CD59: variants seen among roughly 807,000 people sequenced by gnomAD.
CD59 encodes the protein CD59 glycoprotein.
Under a neutral mutation model 7.0 loss-of-function variants are expected in CD59, and 3 were observed. That is an observed-to-expected ratio of 0.43 (90% CI 0.19 to 1.10). CD59 has a LOEUF of 1.10. Ranked by LOEUF, CD59 falls within the 50% of genes least tolerant of loss-of-function variation. The probability of loss-of-function intolerance (pLI) is 0.29; values close to 1 mark genes in which losing one functional copy is unlikely to be tolerated. For missense variants in CD59, 143 were observed against 151.0 expected (o/e 0.95, Z 0.28); for synonymous variants, 60 against 62.0 (o/e 0.97, Z 0.15).
In CD59 at chr11:33,705,785, G is replaced by A. The variant is rs1320693465; in HGVS notation, c.*4341C>T. On this transcript the variant is annotated 3_prime_UTR_variant, in exon 4 of 4. Coordinates refer to ENST00000642928, the MANE Select transcript of CD59 (RefSeq NM_000611.6). ...ATCCTACTAATTCTGTCCCTCTGGA[G>A]AACCCTAATACATGAATTATAACTC... 6.6e-6 allele frequency: 1 copy of A among 152,108 alleles called. No homozygotes were observed. Among genetic ancestry groups the A allele is most frequent in the African/African-American group, 2.4e-5 (1 of 41,368 alleles). 9.4% of individuals were successfully genotyped at this position (152,108 alleles called of 1,614,324 possible).
chr11:33,730,231 G>A (rs544556285), intron 1 of CD59, among the ~76,000 whole-genome samples: 3 of 151,570 alleles, frequency 2.0e-5, no homozygotes, highest in South Asian at 2.1e-4. Flanking sequence ...AGTTTGAGAC[G>A]AGACTGGCAA....
intron 2 of CD59, chr11:33,718,969 C>G (rs756732436): frequency 2.6e-5 from 4 of 152,166 alleles, no homozygotes; most frequent in Admixed American, 1.3e-4. Context: ...TGACTTCTAC[C>G]ATGTAATCAG....
intron 2 of CD59, among the ~76,000 whole-genome samples, chr11:33,720,913 G>A (rs986689079): frequency 2.0e-5 from 3 of 152,190 alleles, no homozygotes; most frequent in Non-Finnish European, 4.4e-5. Flanking sequence ...TCATCTGTGG[G>A]CATGTGAGCT....
At chr11:33,717,086 G>A (rs1853828963) in intron 3 of CD59, among the ~76,000 whole-genome samples, 1 of 152,220 alleles carries the variant, frequency 6.6e-6, no homozygotes, top group South Asian at 2.1e-4. Context: ...GAATCAGATG[G>A]ACTTCCATGT....
At chr11:33,728,257 C>T (rs917346247) in intron 1 of CD59, among the ~76,000 whole-genome samples, 3 of 152,192 alleles carry the variant, frequency 2.0e-5, no homozygotes, top group Admixed American at 2.0e-4. Flanking sequence ...ATCACGCTAC[C>T]TGACTTCAAA....
chr11:33,733,304 T>C (rs1233776428), intron 1 of CD59, among the ~76,000 whole-genome samples: 1 of 152,192 alleles, frequency 6.6e-6, no homozygotes, highest in Non-Finnish European at 1.5e-5. Flanking sequence ...AAATTTGTGG[T>C]GGTTTCAGCA....
intron 3 of CD59, 90 bp downstream of exon 3, chr11:33,717,280 C>T: frequency 2.6e-6 from 2 of 760,908 alleles, no homozygotes; most frequent in Non-Finnish European, 4.7e-6. Context: ...TTACTTGATG[C>T]AAGCCTAATG....
At chr11:33,726,914 G>A (rs541245661) in intron 1 of CD59, among the ~76,000 whole-genome samples, 2 of 152,274 alleles carry the variant, frequency 1.3e-5, no homozygotes, top group South Asian at 4.1e-4. Context: ...AAATAAACTA[G>A]AAAATCTAGA....
Position 33,717,648 on chromosome 11 carries a change from T to G in CD59, c.68-177A>C. On this transcript the variant is annotated intron_variant, in intron 2 of 3. Coordinates refer to ENST00000642928, the MANE Select transcript of CD59 (RefSeq NM_000611.6). The stretch of plus-strand genomic sequence containing the variant: ...CAAACTACAGTTCCAGCAACATTTT[T>G]TGGACCCTGATGCAAGCACAAAGGA... 8.0e-6 allele frequency: 5 copies of G among 624,532 alleles called. No homozygotes were observed. The South Asian group carries it at 8.5e-5, about 11-fold the overall frequency. 38.7% of individuals were successfully genotyped at this position (624,532 alleles called of 1,614,324 possible).
intron 1 of CD59, among the ~76,000 whole-genome samples, chr11:33,724,246 C>A (rs1292284237): frequency 6.6e-6 from 1 of 152,258 alleles, no homozygotes; most frequent in Non-Finnish European, 1.5e-5. Flanking sequence ...GGACACTTCC[C>A]TTGGAATGGT....
At chr11:33,719,943 T>C (rs935294393) in intron 2 of CD59, among the ~76,000 whole-genome samples, 2 of 152,240 alleles carry the variant, frequency 1.3e-5, no homozygotes, top group Admixed American at 6.5e-5. Flanking sequence ...GAGTCTAAGA[T>C]GAAGGGTGTT....
At chr11:33,731,128 A>C (rs1344009017) in intron 1 of CD59, among the ~76,000 whole-genome samples, 4 of 152,192 alleles carry the variant, frequency 2.6e-5, no homozygotes, top group Non-Finnish European at 5.9e-5. Context: ...GGTCAACAGT[A>C]GGCTATTAGT....
At chr11:33,715,326 G>C (rs138735619) in intron 3 of CD59, among the ~76,000 whole-genome samples, 5 of 152,138 alleles carry the variant, frequency 3.3e-5, no homozygotes, top group Non-Finnish European at 7.4e-5. Flanking sequence ...GCTGCTGGGC[G>C]TGGTAGCTCA....
At chr11:33,716,766 G>C (rs529534089) in intron 3 of CD59, among the ~76,000 whole-genome samples, 1 of 152,096 alleles carries the variant, frequency 6.6e-6, no homozygotes, top group Non-Finnish European at 1.5e-5. Context: ...TGAGGCTACC[G>C]AGCCCTGGCA....
chr11:33,724,578 A>G lies in CD59; in HGVS notation c.-18-2115T>C, dbSNP rs560807853. On this transcript the variant is annotated intron_variant, in intron 1 of 3. Transcript: ENST00000642928. ...CCACTGTTAGTGCTACTCAGGAGTA[A>G]TGAGGTTACTTGAGGAAGAAATTGT... is the stretch of plus-strand genomic sequence containing the variant. 2.3e-3 allele frequency among the ~76,000 whole-genome samples: 349 copies of G among 152,316 alleles called. 1 individual carries two copies. The highest frequency in any genetic ancestry group is 4.1e-3 in the Non-Finnish European group (278 of 68,034).
chr11:33,723,811 C>T (rs183486096), intron 1 of CD59, among the ~76,000 whole-genome samples: 4 of 152,218 alleles, frequency 2.6e-5, no homozygotes, highest in Admixed American at 2.0e-4. Context: ...CAAGGAACTG[C>T]TACAAGTGAG....
chr11:33,724,681 C>T (rs3181278), intron 1 of CD59, among the ~76,000 whole-genome samples: 3,642 of 152,140 alleles, frequency 0.024, 140 homozygotes, highest in African/African-American at 0.083. Context: ...CAGAGAAACA[C>T]CCTGGGTTGA....
Position 33,736,076 on chromosome 11 carries a change from G to T in CD59, c.-19+306C>A, listed in dbSNP as rs565726520. ...TTCCCTTGAGACGAAAGCGATGGCAGGGGCCCGGGTGCGAGGCTGCCCCCG... is the reference window on the plus strand; with the variant it reads ...TTCCCTTGAGACGAAAGCGATGGCATGGGCCCGGGTGCGAGGCTGCCCCCG... On this transcript the variant is annotated intron_variant, in intron 1 of 3. Transcript: ENST00000642928. The surrounding 1 kb of genome is among the most constrained non-coding windows in gnomAD (Gnocchi z 4.4). 1.3e-5 allele frequency among the ~76,000 whole-genome samples: 2 copies of T among 152,196 alleles called. No individual in the cohort carries two copies. Among genetic ancestry groups the T allele is most frequent in the Non-Finnish European group, 1.5e-5 (1 of 68,020 alleles).
chr11:33,705,752 A>C lies in CD59; in HGVS notation c.*4374T>G, dbSNP rs1203308156. On this transcript the variant is annotated 3_prime_UTR_variant, in exon 4 of 4. Coordinates refer to ENST00000642928, the MANE Select transcript of CD59 (RefSeq NM_000611.6). ...CTCCCTAATAACCTCCCTTTCATAT[A>C]TACATATATCCTACTAATTCTGTCC... 6.6e-6 allele frequency: 1 copy of C among 152,168 alleles called. No individual in the cohort carries two copies. The highest frequency in any genetic ancestry group is 1.9e-4 in the East Asian group (1 of 5,202). 9.4% of individuals were successfully genotyped at this position (152,168 alleles called of 1,614,324 possible). A position where few individuals can be genotyped will look rare whatever the true frequency, so the allele number is the denominator to read the frequency against.
Sources: gnomAD v4.1 joint callset for allele counts (sites outside exome capture counted in the v4.1 genomes callset) on GRCh38, gnomAD v4.1.1 for gene constraint, Gnocchi (gnomAD v3.1) non-coding constraint, MANE v1.5 for transcripts, NCBI Gene and HGNC (gene_info 2026-07-23, HGNC 2026-07-21) for gene names.